Variants in PRXL2B observed in about 807,000 individuals in gnomAD.
PRXL2B encodes the protein prostamide/prostaglandin F synthase.
A neutral mutation model predicts 24.4 loss-of-function variants in PRXL2B; 26 were observed. The ratio of observed to expected loss-of-function variants is 1.07; its 90% CI spans 0.78 to 1.48. The LOEUF is 1.48. Among genes scored for constraint, PRXL2B ranks in the 40% most tolerant of loss-of-function variants. The probability of loss-of-function intolerance (pLI) is 0.00; values close to 1 mark genes in which losing one functional copy is unlikely to be tolerated. For missense variants in PRXL2B, 269 were observed against 264.8 expected, an observed-to-expected ratio of 1.02 and a Z score of -0.11; for synonymous variants, 115 against 118.9, an observed-to-expected ratio of 0.97 and a Z score of 0.21.
In PRXL2B at chr1:2,587,719, A is replaced by T; in HGVS notation, c.269-22A>T. ...GGCTGGTTCTGCGCCTGGGGCACAC[A>T]CATGTGGCTTCCGCTTTCCAGAGCT... is the stretch of plus-strand genomic sequence containing the variant. On this transcript the variant is annotated intron_variant, in intron 2 of 6. Coordinates refer to ENST00000419916, the MANE Select transcript of PRXL2B (RefSeq NM_152371.5). The surrounding 1 kb of genome is among the most constrained non-coding windows in gnomAD (Gnocchi z 6.1). The T allele has an allele frequency of 6.3e-7, 1 of 1,595,318 alleles. No individual in the cohort carries two copies. The highest frequency in any genetic ancestry group is 8.5e-7 in the Non-Finnish European group (1 of 1,171,018).
chr1:2,589,133 C>T, intron 6 of PRXL2B, 93 bp downstream of exon 6: 1 of 1,270,544 alleles, frequency 7.9e-7, no homozygotes, highest in Non-Finnish European at 1.1e-6. Flanking sequence ...AGCTGAGCCA[C>T]AGCGCTGTGG....
chr1:2,589,562 C>A lies in PRXL2B; in HGVS notation c.*135C>A, dbSNP rs1471811732. ...ACCTCTCCTGATCCGCCGGCAGCAA[C>A]GAGCCATTAAAACTGCAGTTCCTGA... On this transcript the variant is annotated 3_prime_UTR_variant, in exon 7 of 7. Transcript: ENST00000419916. 1.5e-6 allele frequency: 2 copies of A among 1,292,266 alleles called. No homozygotes were observed. Among genetic ancestry groups the A allele is most frequent in the Admixed American group, 4.2e-5 (2 of 47,380 alleles). The allele number at this position is 1,292,266 out of a possible 1,614,324, so 80.0% of individuals were successfully genotyped here. A position where few individuals can be genotyped will look rare whatever the true frequency, so the allele number is the denominator to read the frequency against.
rs1207729253 is a variant in PRXL2B at position 2,589,400 on chromosome 1, G to T, written c.580-10G>T. ...TCCAGCGGCCCCATGGGACCCTGCTGTCCCCACAGTGTGACAGAGAGGTGT... is the reference window on the plus strand; with the variant it reads ...TCCAGCGGCCCCATGGGACCCTGCTTTCCCCACAGTGTGACAGAGAGGTGT... On this transcript the variant is annotated splice_polypyrimidine_tract_variant and intron_variant, in intron 6 of 6. Coordinates refer to ENST00000419916, the MANE Select transcript of PRXL2B (RefSeq NM_152371.5). 6.2e-7 allele frequency: 1 copy of T among 1,613,434 alleles called. No homozygotes were observed.
Position 2,588,407 on chromosome 1 carries a change from T to C in PRXL2B, c.338T>C (p.Ile113Thr), listed in dbSNP as rs1259190557. 1 of 1,613,924 alleles carries C rather than the reference T, an allele frequency of 6.2e-7. No individual in the cohort carries two copies. Among genetic ancestry groups the C allele is most frequent in the Non-Finnish European group, 8.5e-7 (1 of 1,180,030 alleles). The stretch of plus-strand genomic sequence containing the variant: ...CTTCGCAGGTACAACAGCCTGAGCA[T>C]CCTCCCAGCAGCTCTGGGGAAGCCC... ...LGFKRYNSLS[I>T]LPAALGKPVR... The change falls in exon 4 of 7, where the codon ATC becomes ACC. Residue 113 changes from isoleucine to threonine, a missense_variant. Ile to Thr is a moderately conservative substitution (Grantham distance 89). Coordinates refer to ENST00000419916, the MANE Select transcript of PRXL2B (RefSeq NM_152371.5).
In PRXL2B at chr1:2,586,932, A is replaced by G. The variant is rs1644532251; in HGVS notation, c.47A>G (p.His16Arg). The change falls in exon 1 of 7, where the codon CAT becomes CGT. Residue 16 changes from histidine to arginine, a missense_variant. His to Arg is a conservative substitution (Grantham distance 29, BLOSUM62 0). Coordinates refer to ENST00000419916, the MANE Select transcript of PRXL2B (RefSeq NM_152371.5). ...CGCGTGGGCGCGTGCATCCTGAAGC[A>G]TGCGGTGACCGGGGAGGTGAGGCCG... The part of the protein sequence containing the change: ...LARVGACILK[H>R]AVTGEAVELR... The G allele has an allele frequency of 1.5e-6, 2 of 1,319,298 alleles. No individual in the cohort carries two copies. The highest frequency in any genetic ancestry group is 8.0e-5 in the Admixed American group (2 of 25,090). The allele number at this position is 1,319,298 out of a possible 1,614,324, so 81.7% of individuals were successfully genotyped here.
Position 2,589,423 on chromosome 1 carries a change from T to C in PRXL2B, c.593T>C (p.Val198Ala), listed in dbSNP as rs1431798360. 6.2e-7 allele frequency: 1 copy of C among 1,612,852 alleles called. No homozygotes were observed. Among genetic ancestry groups the C allele is most frequent in the Non-Finnish European group, 8.5e-7 (1 of 1,179,622 alleles). Residue 198 changes from valine (V) to alanine (A), a missense_variant, in exon 7 of 7, where the codon GTG becomes GCG. By Grantham distance (64) the Val-to-Ala change is moderately conservative (BLOSUM62 0). Transcript: ENST00000419916. ...CTGTCCCCACAGTGTGACAGAGAGG[T>C]GTGAGGGAGGCGAAGGCCCTGGCCT... ...ASDPPQCDRE[V>A] is the part of the protein sequence containing the mutation.
At position 2,587,347 on chromosome 1, in the gene PRXL2B, G is replaced by A. The variant is rs1187412862; in HGVS notation, c.268+52G>A. On this transcript the variant is annotated intron_variant, in intron 2 of 6. Transcript: ENST00000419916. The surrounding 1 kb of genome is among the most constrained non-coding windows in gnomAD (Gnocchi z 6.1). ...CGCACATACCCTTCCCTAAGCTCAG[G>A]GCGTTCGGGGCCCTTTCCTGCCCAA... 1.3e-6 allele frequency: 2 copies of A among 1,526,190 alleles called. No homozygotes were observed. Among genetic ancestry groups the A allele is most frequent in the South Asian group, 1.2e-5 (1 of 83,864 alleles). The allele number at this position is 1,526,190 out of a possible 1,614,324, so 94.5% of individuals were successfully genotyped here.
In PRXL2B at chr1:2,589,537, A is replaced by T; in HGVS notation, c.*110A>T. 1 of 1,481,102 alleles carries T rather than the reference A, an allele frequency of 6.8e-7. No individual in the cohort carries two copies. Among genetic ancestry groups the T allele is most frequent in the South Asian group, 1.2e-5 (1 of 84,238 alleles). 91.7% of individuals were successfully genotyped at this position (1,481,102 alleles called of 1,614,324 possible). On this transcript the variant is annotated 3_prime_UTR_variant, in exon 7 of 7. Coordinates refer to ENST00000419916, the MANE Select transcript of PRXL2B (RefSeq NM_152371.5). ...CGGAGGCGCTGGGTCGGGATGCCGA[A>T]CCTCTCCTGATCCGCCGGCAGCAAC...
rs757946334 is a variant in PRXL2B, at chr1:2,588,601, G to A, written c.436G>A (p.Gly146Arg). The part of the protein sequence containing the change: ...GNLSGDLLQS[G>R]GLLVVSKGGD... ...CTTGTCTGGGGACCTGCTGCAGAGC[G>A]GAGGGCTGCTGGTGGTCAGCAAAGG... Residue 146 changes from glycine (G) to arginine (R), a missense_variant, in exon 5 of 7, where the codon GGA (glycine) becomes AGA (arginine). By Grantham distance (125) the Gly-to-Arg change is moderately radical. Transcript: ENST00000419916. 1.2e-5 allele frequency: 19 copies of A among 1,614,088 alleles called. No homozygotes were observed. The highest frequency in any genetic ancestry group is 2.2e-5 in the South Asian group (2 of 91,088).
At chr1:2,588,864 G>A (rs1042632483) in intron 5 of PRXL2B, 58 bp from the exon 6 acceptor site, 3 of 1,525,012 alleles carry the variant, frequency 2.0e-6, no homozygotes, top group East Asian at 4.5e-5. Flanking sequence ...CTCCTGGTAT[G>A]TGGCTGTGAG....
At position 2,587,600 on chromosome 1, in the gene PRXL2B, C is replaced by A; in HGVS notation, c.269-141C>A. On this transcript the variant is annotated intron_variant, in intron 2 of 6. Coordinates refer to ENST00000419916, the MANE Select transcript of PRXL2B (RefSeq NM_152371.5). This position sits in a 1 kb window ranked among gnomAD's most constrained non-coding sequence, Gnocchi z 6.1. ...GGACACTCAGCCCCGTTTTACCCCT[C>A]CCTGCCCTGCGGGGGTGGGCTGAGC... The A allele has an allele frequency of 9.7e-7, 1 of 1,025,710 alleles. No individual in the cohort carries two copies. The highest frequency in any genetic ancestry group is 1.5e-6 in the Non-Finnish European group (1 of 675,452). The allele number at this position is 1,025,710 out of a possible 1,614,324, so 63.5% of individuals were successfully genotyped here. A position where few individuals can be genotyped will look rare whatever the true frequency, so the allele number is the denominator to read the frequency against.
Position 2,591,305 on chromosome 1 carries a change from T to C in PRXL2B, c.*1878T>C. ...CCTCCAGCCAGAGATATTCCAACTC[T>C]GCAATAAAACTCTCCTTCACACAGA... On this transcript the variant is annotated 3_prime_UTR_variant, in exon 7 of 7. Coordinates refer to ENST00000419916, the MANE Select transcript of PRXL2B (RefSeq NM_152371.5). 1 of 597,796 alleles carries C rather than the reference T, an allele frequency of 1.7e-6. No individual in the cohort carries two copies. Among genetic ancestry groups the C allele is most frequent in the Non-Finnish European group, 3.0e-6 (1 of 337,604 alleles). The allele number at this position is 597,796 out of a possible 1,614,324, so 37.0% of individuals were successfully genotyped here. A position where few individuals can be genotyped will look rare whatever the true frequency, so the allele number is the denominator to read the frequency against.
chr1:2,589,745 G>A lies in PRXL2B; in HGVS notation c.*318G>A. On this transcript the variant is annotated 3_prime_UTR_variant, in exon 7 of 7. Coordinates refer to ENST00000419916, the MANE Select transcript of PRXL2B (RefSeq NM_152371.5). ...AGACCTTGGGCCTTTGGCCTGTGGG[G>A]CACTGGGGATGGTAACCTCACTGCC... is the stretch of plus-strand genomic sequence containing the variant. 2.0e-6 allele frequency: 1 copy of A among 495,280 alleles called. No individual in the cohort carries two copies. The highest frequency in any genetic ancestry group is 3.6e-6 in the Non-Finnish European group (1 of 277,164). The allele number at this position is 495,280 out of a possible 1,614,324, so 30.7% of individuals were successfully genotyped here.
In PRXL2B at chr1:2,589,702, C is replaced by CT. The variant is rs1485512878; in HGVS notation, c.*276dup. ...GTGAGTCCCAGGTGTCATCTTCCTGCTCTGCGACTTTCTCTGGAGACCTTG... is the reference window on the plus strand; with the variant it reads ...GTGAGTCCCAGGTGTCATCTTCCTGCTTCTGCGACTTTCTCTGGAGACCTTG... On this transcript the variant is annotated 3_prime_UTR_variant, in exon 7 of 7. Coordinates refer to ENST00000419916, the MANE Select transcript of PRXL2B (RefSeq NM_152371.5). 1 of 566,620 alleles carries CT rather than the reference C, an allele frequency of 1.8e-6. No individual in the cohort carries two copies. Among genetic ancestry groups the CT allele is most frequent in the Non-Finnish European group, 3.1e-6 (1 of 318,494 alleles). The allele number at this position is 566,620 out of a possible 1,614,324, so 35.1% of individuals were successfully genotyped here. A position where few individuals can be genotyped will look rare whatever the true frequency, so the allele number is the denominator to read the frequency against.
At position 2,587,705 on chromosome 1, in the gene PRXL2B, C is replaced by A. The variant is rs763737210; in HGVS notation, c.269-36C>A. On this transcript the variant is annotated intron_variant, in intron 2 of 6. Transcript: ENST00000419916. The surrounding 1 kb of genome is among the most constrained non-coding windows in gnomAD (Gnocchi z 6.1). ...GTGAGTGGGTTGGGGGCTGGTTCTG[C>A]GCCTGGGGCACACACATGTGGCTTC... The A allele has an allele frequency of 1.3e-6, 2 of 1,582,400 alleles. No homozygotes were observed. Among genetic ancestry groups the A allele is most frequent in the Admixed American group, 3.6e-5 (2 of 54,862 alleles).
rs1644559767 is a variant in PRXL2B at position 2,587,669 on chromosome 1, G to T, written c.269-72G>T. 4 of 1,520,114 alleles carry T rather than the reference G, an allele frequency of 2.6e-6. No individual in the cohort carries two copies. Among genetic ancestry groups the T allele is most frequent in the Non-Finnish European group, 3.6e-6 (4 of 1,116,204 alleles). The allele number at this position is 1,520,114 out of a possible 1,614,324, so 94.2% of individuals were successfully genotyped here. ...AACAGAGGGTCGGAAGGAGGAGGGC[G>T]ATTCTTTGTGGTGAGTGGGTTGGGG... is the stretch of plus-strand genomic sequence containing the variant. On this transcript the variant is annotated intron_variant, in intron 2 of 6. Coordinates refer to ENST00000419916, the MANE Select transcript of PRXL2B (RefSeq NM_152371.5). The surrounding 1 kb of genome is among the most constrained non-coding windows in gnomAD (Gnocchi z 6.1).
In PRXL2B at chr1:2,587,110, T is replaced by A. The variant is rs754642361; in HGVS notation, c.83T>A (p.Leu28Gln). ...CGGCAGGCCGTGGAGCTGCGGAGCC[T>A]GTGGCGGGAGCACGCGTGCGTGGTG... is the stretch of plus-strand genomic sequence containing the variant. Reference protein sequence around the residue: ...VTGEAVELRSLWREHACVVAG... With the variant: ...VTGEAVELRSQWREHACVVAG... The change falls in exon 2 of 7, where the codon CTG becomes CAG. Residue 28 changes from leucine to glutamine, a missense_variant. Physicochemically the swap from Leu to Gln is moderately radical, Grantham distance 113. Coordinates refer to ENST00000419916, the MANE Select transcript of PRXL2B (RefSeq NM_152371.5). The surrounding 1 kb of genome is among the most constrained non-coding windows in gnomAD (Gnocchi z 6.1). The A allele has an allele frequency of 1.3e-6, 2 of 1,518,424 alleles. No individual in the cohort carries two copies. Among genetic ancestry groups the A allele is most frequent in the Admixed American group, 2.0e-5 (1 of 50,338 alleles). 94.1% of individuals were successfully genotyped at this position (1,518,424 alleles called of 1,614,324 possible).
Position 2,590,764 on chromosome 1 carries a change from C to T in PRXL2B, c.*1337C>T, listed in dbSNP as rs1034014453. The T allele has an allele frequency of 2.5e-5, 10 of 404,790 alleles. No homozygotes were observed. The South Asian group carries it at 3.1e-4, about 13-fold the overall frequency. 25.1% of individuals were successfully genotyped at this position (404,790 alleles called of 1,614,324 possible). On this transcript the variant is annotated 3_prime_UTR_variant, in exon 7 of 7. Transcript: ENST00000419916. ...GCTGTGACGGGGGCACTGAGCCCCG[C>T]GGGTGTCTGTGGAGGGGGCTCCGGT...
rs1644528431 is a variant in PRXL2B at position 2,586,842 on chromosome 1, ACAGGGAGTCGGGGAGCCGGGAAC to A, written c.-38_-16del. Reference sequence around the variant, plus strand: ...AGGAGCGAGGAGCCGGGAGCGGGGAACAGGGAGTCGGGGAGCCGGGAACCAGGGCTGGCAGCGGCCGCCATGAG... The same window carrying A: ...AGGAGCGAGGAGCCGGGAGCGGGGAACAGGGCTGGCAGCGGCCGCCATGAG... On this transcript the variant is annotated 5_prime_UTR_variant, in exon 1 of 7. Transcript: ENST00000419916. 1.6e-6 allele frequency: 2 copies of A among 1,279,174 alleles called. No individual in the cohort carries two copies. The highest frequency in any genetic ancestry group is 2.0e-6 in the Non-Finnish European group (2 of 1,013,100). 79.2% of individuals were successfully genotyped at this position (1,279,174 alleles called of 1,614,324 possible).
Sources: allele counts gnomAD v4.1 joint callset, GRCh38; gene constraint gnomAD v4.1.1; non-coding constraint Gnocchi (gnomAD v3.1); transcripts MANE v1.5; gene names NCBI Gene and HGNC (gene_info 2026-07-23, HGNC 2026-07-21).